The following CCDC178 variants were observed in gnomAD, a reference collection of about 807,000 sequenced individuals.
CCDC178 encodes coiled-coil domain-containing protein 178.
CCDC178 carries 126 observed loss-of-function variants against 117.4 expected under a neutral mutation model. That is an observed-to-expected ratio of 1.07 (90% CI 0.93 to 1.24). The LOEUF is 1.24. Among genes scored for constraint, CCDC178 ranks in the 50% most tolerant of loss-of-function variants. The pLI is 0.00. For synonymous variants in CCDC178, 283 were observed against 313.4 expected (o/e 0.90, Z 1.02); for missense variants, 1,030 against 986.9 (o/e 1.04, Z -0.59).
intron 20 of CCDC178, among the ~76,000 whole-genome samples, chr18:33,102,988 G>T (rs271488): frequency 0.12 from 18,276 of 151,746 alleles, 1,490 homozygotes; most frequent in African/African-American, 0.23. Flanking sequence ...AATATTTACT[G>T]CCTGTTCCTT....
intron 21 of CCDC178, among the ~76,000 whole-genome samples, chr18:32,985,074 A>C (rs941429310): frequency 6.6e-6 from 1 of 151,988 alleles, no homozygotes; most frequent in Non-Finnish European, 1.5e-5. Flanking sequence ...ACATTTACCT[A>C]AAATTAATTC....
chr18:33,031,588 TA>T (rs761796687), intron 21 of CCDC178, among the ~76,000 whole-genome samples: 2 of 152,138 alleles, frequency 1.3e-5, no homozygotes, highest in South Asian at 4.1e-4. Flanking sequence ...GTTGTTATGG[TA>T]ACCTTCTTAT....
chr18:32,994,722 G>A (rs1412674364), intron 21 of CCDC178, among the ~76,000 whole-genome samples: 1 of 152,098 alleles, frequency 6.6e-6, no homozygotes, highest in African/African-American at 2.4e-5. Flanking sequence ...TGTCTCAAGT[G>A]CCAATTTTAA....
chr18:32,941,772 G>A (rs2054244108), intron 22 of CCDC178, among the ~76,000 whole-genome samples: 1 of 152,148 alleles, frequency 6.6e-6, no homozygotes, highest in Non-Finnish European at 1.5e-5. Flanking sequence ...CAGAACTTTT[G>A]AAGGAGGAAA....
chr18:33,070,654 G>A (rs757793132), intron 21 of CCDC178, among the ~76,000 whole-genome samples: 4 of 151,962 alleles, frequency 2.6e-5, no homozygotes, highest in Non-Finnish European at 5.9e-5. Flanking sequence ...AAATAGCTAG[G>A]AGAGAAGACT....
intron 12 of CCDC178, among the ~76,000 whole-genome samples, chr18:33,287,156 C>A (rs2060108001): frequency 1.7e-5 from 1 of 58,138 alleles, no homozygotes; most frequent in African/African-American, 4.0e-5. Flanking sequence ...CACAAAATGC[C>A]TTGAAATTAA....
chr18:33,314,911 C>T (rs1225515038), intron 11 of CCDC178, among the ~76,000 whole-genome samples: 3 of 152,188 alleles, frequency 2.0e-5, no homozygotes, highest in Non-Finnish European at 4.4e-5. Context: ...AAGATTCCTG[C>T]TCAAAATGAT....
At chr18:33,267,449 TCAA>T in intron 12 of CCDC178, 152 bp from the exon 13 acceptor site, 1 of 499,418 alleles carries the variant, frequency 2.0e-6, no homozygotes. Context: ...ATTCATCACA[TCAA>T]CAAGTTAAAG....
chr18:33,231,016 A>G (rs2059362118), intron 15 of CCDC178, among the ~76,000 whole-genome samples: 1 of 152,200 alleles, frequency 6.6e-6, no homozygotes, highest in South Asian at 2.1e-4. Context: ...TTCTAAATCC[A>G]CTGGGTGAAA....
At chr18:32,994,185 T>G (rs2055454187) in intron 21 of CCDC178, among the ~76,000 whole-genome samples, 1 of 152,016 alleles carries the variant, frequency 6.6e-6, no homozygotes, top group Non-Finnish European at 1.5e-5. Flanking sequence ...ACTAAATCTC[T>G]TTTCTAACTC....
chr18:33,176,430 T>C (rs1482106105), intron 20 of CCDC178, among the ~76,000 whole-genome samples: 4 of 152,186 alleles, frequency 2.6e-5, no homozygotes, highest in Admixed American at 2.6e-4. Flanking sequence ...TTGTGATTTA[T>C]TTGCTGGGCC....
chr18:32,966,904 G>A (rs1221025790), intron 22 of CCDC178, among the ~76,000 whole-genome samples: 1 of 151,616 alleles, frequency 6.6e-6, no homozygotes, highest in Admixed American at 6.6e-5. Flanking sequence ...GTTAATTATG[G>A]TTAGAAAATA....
At chr18:33,217,218 C>T (rs988309358) in intron 18 of CCDC178, among the ~76,000 whole-genome samples, 1 of 151,972 alleles carries the variant, frequency 6.6e-6, no homozygotes, top group African/African-American at 2.4e-5. Context: ...CTTTCTTATG[C>T]TCTGTAAGTG....
intron 7 of CCDC178, among the ~76,000 whole-genome samples, chr18:33,351,097 T>C (rs920496195): frequency 6.6e-6 from 1 of 152,024 alleles, no homozygotes; most frequent in African/African-American, 2.4e-5. Flanking sequence ...TTAACTAATT[T>C]TCGTATGCTA....
chr18:33,021,224 T>C (rs1209965857), intron 21 of CCDC178, among the ~76,000 whole-genome samples: 2 of 152,250 alleles, frequency 1.3e-5, no homozygotes, highest in Non-Finnish European at 2.9e-5. Flanking sequence ...GAAAACATTT[T>C]GATCTTGCAT....
intron 9 of CCDC178, among the ~76,000 whole-genome samples, chr18:33,340,013 C>G (rs544967208): frequency 1.3e-5 from 2 of 152,134 alleles, no homozygotes; most frequent in Non-Finnish European, 2.9e-5. Context: ...GAGGTTGGAA[C>G]AGTTTGGAGG....
chr18:33,394,785 T>C (rs2144838899), intron 4 of CCDC178, among the ~76,000 whole-genome samples: 1 of 150,912 alleles, frequency 6.6e-6, no homozygotes, highest in East Asian at 1.9e-4. Flanking sequence ...GGATTAAACT[T>C]GTTAAATTAT....
intron 20 of CCDC178, among the ~76,000 whole-genome samples, chr18:33,123,791 C>T (rs2057967801): frequency 6.6e-6 from 1 of 152,060 alleles, no homozygotes; most frequent in Non-Finnish European, 1.5e-5. Context: ...TATCTCAGAC[C>T]ACAAAGGGTT....
At chr18:33,145,693 G>A (rs1177821279) in intron 20 of CCDC178, among the ~76,000 whole-genome samples, 1 of 152,172 alleles carries the variant, frequency 6.6e-6, no homozygotes, top group East Asian at 1.9e-4. Flanking sequence ...AAAAATTTGA[G>A]GCCAAGACAC....
Sources: allele counts gnomAD v4.1 joint callset (sites outside exome capture counted in the v4.1 genomes callset), GRCh38; gene constraint gnomAD v4.1.1; transcripts MANE v1.5; gene names NCBI Gene and HGNC (gene_info 2026-07-23, HGNC 2026-07-21).